The following ZNF561 variants were observed in gnomAD, a reference collection of about 807,000 sequenced individuals.
The protein encoded by ZNF561 is zinc finger protein 561.
Under a neutral mutation model 16.7 loss-of-function variants are expected in ZNF561, and 16 were observed. The observed-to-expected ratio is 0.96, with a 90% CI of 0.65 to 1.45. ZNF561 has a LOEUF of 1.45. ZNF561 is among the 40% of genes most tolerant of loss of function. The pLI is 0.00. For missense variants in ZNF561, 580 were observed against 578.0 expected (o/e 1.00, Z -0.04); for synonymous variants, 190 against 192.1 (o/e 0.99, Z 0.09).
rs1490133309 is a variant in ZNF561 at position 9,617,184 on chromosome 19, A to G, written c.115-13T>C. 3.7e-6 allele frequency: 6 copies of G among 1,610,416 alleles called. No homozygotes were observed. Among genetic ancestry groups the G allele is most frequent in the Non-Finnish European group, 5.1e-6 (6 of 1,177,786 alleles). ...ACGTCACTGAATCCTATGTCATCATACACATGCTGGTTTGAGCCAATGAAC... is the reference window on the plus strand; with the variant it reads ...ACGTCACTGAATCCTATGTCATCATGCACATGCTGGTTTGAGCCAATGAAC... On this transcript the variant is annotated splice_polypyrimidine_tract_variant and intron_variant, in intron 3 of 5. Transcript: ENST00000302851.
At chr19:9,619,881 C>CTATCTATA (rs752207071) in intron 1 of ZNF561, among the ~76,000 whole-genome samples, 12 of 141,734 alleles carry the variant, frequency 8.5e-5, no homozygotes, top group Admixed American at 3.7e-4. Flanking sequence ...CTATATCTAT[C>CTATCTATA]TATCTATATA....
Position 9,610,512 on chromosome 19 carries a change from A to G in ZNF561, c.1149T>C (p.His383=). Residue 383 remains histidine (H), a synonymous_variant, in exon 6 of 6, where the codon CAT becomes CAC. Transcript: ENST00000302851. ...AFTTSTSLIQ[H]TRIHTGEKPY... is the part of the protein sequence containing the mutation. ...GCTTCTCTCCTGTGTGAATTCTTGT[A>G]TGCTGAATAAGACTTGTGGATGTAG... 1 of 1,614,034 alleles carries G rather than the reference A, an allele frequency of 6.2e-7. No individual in the cohort carries two copies. The highest frequency in any genetic ancestry group is 8.5e-7 in the Non-Finnish European group (1 of 1,179,878).
Position 9,609,360 on chromosome 19 carries a change from C to T in ZNF561, c.*840G>A, listed in dbSNP as rs2074405111. The T allele has an allele frequency of 6.6e-6, 1 of 152,120 alleles. No individual in the cohort carries two copies. The highest frequency in any genetic ancestry group is 2.1e-4 in the South Asian group (1 of 4,830). The allele number at this position is 152,120 out of a possible 1,614,324, so 9.4% of individuals were successfully genotyped here. ...AGCTGCTGGGTCAGGGTCTCCATGA[C>T]CCAGCTGGTCTCAGCAAAAATGCAA... On this transcript the variant is annotated 3_prime_UTR_variant, in exon 6 of 6. Coordinates refer to ENST00000302851, the MANE Select transcript of ZNF561 (RefSeq NM_152289.3).
chr19:9,612,124 C>T (rs1385956557), intron 5 of ZNF561, among the ~76,000 whole-genome samples: 4 of 151,894 alleles, frequency 2.6e-5, no homozygotes, highest in Admixed American at 6.6e-5. Flanking sequence ...GACAGGGTTT[C>T]ACCATGTTGG....
Position 9,610,493 on chromosome 19 carries a change from C to T in ZNF561, c.1168G>A (p.Glu390Lys), listed in dbSNP as rs1307147610. The T allele has an allele frequency of 6.2e-7, 1 of 1,613,782 alleles. No homozygotes were observed. Among genetic ancestry groups the T allele is most frequent in the Admixed American group, 1.7e-5 (1 of 60,008 alleles). Residue 390 changes from glutamate (E) to lysine (K), a missense_variant, in exon 6 of 6, where the codon GAG becomes AAG. Transcript: ENST00000302851. ...CATTCAACACATTCATAAGGCTTCT[C>T]TCCTGTGTGAATTCTTGTATGCTGA... ...LIQHTRIHTG[E>K]KPYECVECGK...
Position 9,609,239 on chromosome 19 carries a change from G to A in ZNF561, c.*961C>T, listed in dbSNP as rs2074403126. ...ACAGGCTTACTGTCAATAAATATGTGGGTCAAACTCTGTTCAAGGCTCTCA... is the reference window on the plus strand; with the variant it reads ...ACAGGCTTACTGTCAATAAATATGTAGGTCAAACTCTGTTCAAGGCTCTCA... On this transcript the variant is annotated 3_prime_UTR_variant, in exon 6 of 6. Coordinates refer to ENST00000302851, the MANE Select transcript of ZNF561 (RefSeq NM_152289.3). 6.6e-6 allele frequency: 1 copy of A among 152,122 alleles called. No homozygotes were observed. The highest frequency in any genetic ancestry group is 2.4e-5 in the African/African-American group (1 of 41,434). The allele number at this position is 152,122 out of a possible 1,614,324, so 9.4% of individuals were successfully genotyped here. A position where few individuals can be genotyped will look rare whatever the true frequency, so the allele number is the denominator to read the frequency against.
Position 9,610,893 on chromosome 19 carries a change from C to G in ZNF561, c.768G>C (p.Lys256Asn). 6.2e-7 allele frequency: 1 copy of G among 1,614,126 alleles called. No individual in the cohort carries two copies. Among genetic ancestry groups the G allele is most frequent in the Non-Finnish European group, 8.5e-7 (1 of 1,180,002 alleles). Residue 256 changes from lysine (K) to asparagine (N), a missense_variant, in exon 6 of 6, where the codon AAG becomes AAC. Physicochemically the swap from Lys to Asn is moderately conservative, Grantham distance 94. Transcript: ENST00000302851. ...VHTGKKSKKT[K>N]KCGKSFTNFS... ...AATTAGTGAAGGATTTCCCACATTT[C>G]TTAGTCTTTTTGGATTTCTTTCCTG...
intron 5 of ZNF561, 40 bp downstream of exon 5, chr19:9,613,981 C>T (rs1244846291): frequency 6.2e-7 from 1 of 1,605,442 alleles, no homozygotes; most frequent in South Asian, 1.1e-5. Context: ...TCTATCTTTT[C>T]TAAGAGAGGA....
intron 2 of ZNF561, 149 bp downstream of exon 2, chr19:9,619,283 A>T (rs2074615474): frequency 2.0e-6 from 1 of 506,260 alleles, no homozygotes. Flanking sequence ...ATAAATAAAT[A>T]ATAAAACAGC....
At position 9,610,677 on chromosome 19, in the gene ZNF561, T is replaced by C. The variant is rs766206230; in HGVS notation, c.984A>G (p.Val328=). The C allele has an allele frequency of 1.2e-6, 2 of 1,614,210 alleles. No individual in the cohort carries two copies. Among genetic ancestry groups the C allele is most frequent in the East Asian group, 2.2e-5 (1 of 44,882 alleles). The change falls in exon 6 of 6, where the codon GTA becomes GTG. Residue 328 remains valine, a synonymous_variant. Coordinates refer to ENST00000302851, the MANE Select transcript of ZNF561 (RefSeq NM_152289.3). ...AGGGTTTTATTCCAGTGTGAGTTCT[T>C]ACATGTTCAGTAAGTTGAGTTGATC... is the stretch of plus-strand genomic sequence containing the variant. ...FTRSTQLTEH[V]RTHTGIKPYE...
At chr19:9,618,875 G>A (rs2074607605) in intron 2 of ZNF561, among the ~76,000 whole-genome samples, 1 of 152,156 alleles carries the variant, frequency 6.6e-6, no homozygotes, top group African/African-American at 2.4e-5. Flanking sequence ...CCAATACTTT[G>A]GGAGGCCAAG....
chr19:9,620,152 T>C (rs1357592717), intron 1 of ZNF561, among the ~76,000 whole-genome samples: 1 of 152,140 alleles, frequency 6.6e-6, no homozygotes, highest in African/African-American at 2.4e-5. Context: ...TGCAGTGGCA[T>C]GATCTCAACT....
At chr19:9,619,695 A>G in intron 1 of ZNF561, 113 bp from the exon 2 acceptor site, 1 of 390,932 alleles carries the variant, frequency 2.6e-6, no homozygotes, top group Non-Finnish European at 4.6e-6. Flanking sequence ...TTGCCCACTC[A>G]GTACCGTCAC....
In ZNF561 at chr19:9,610,035, T is replaced by A. The variant is rs2074416649; in HGVS notation, c.*165A>T. 1 of 634,228 alleles carries A rather than the reference T, an allele frequency of 1.6e-6. No homozygotes were observed. Among genetic ancestry groups the A allele is most frequent in the African/African-American group, 1.8e-5 (1 of 54,766 alleles). 39.3% of individuals were successfully genotyped at this position (634,228 alleles called of 1,614,324 possible). On this transcript the variant is annotated 3_prime_UTR_variant, in exon 6 of 6. Transcript: ENST00000302851. The stretch of plus-strand genomic sequence containing the variant: ...GACCCTTCTTCACAGATGCCCAGAC[T>A]CAGGCAACCATGATGTTGTATTCAG...
rs1488212493 is a variant in ZNF561, at chr19:9,607,717, A to G, written c.*2483T>C. 1.3e-5 allele frequency: 2 copies of G among 152,208 alleles called. No homozygotes were observed. Among genetic ancestry groups the G allele is most frequent in the South Asian group, 2.1e-4 (1 of 4,830 alleles). The allele number at this position is 152,208 out of a possible 1,614,324, so 9.4% of individuals were successfully genotyped here. A position where few individuals can be genotyped will look rare whatever the true frequency, so the allele number is the denominator to read the frequency against. On this transcript the variant is annotated 3_prime_UTR_variant, in exon 6 of 6. Transcript: ENST00000302851. Reference sequence around the variant, plus strand: ...TATATATAGGTATAACCTAACGACTAAAGTGGAAAAGTAAGAGTCATTATT... The same window carrying G: ...TATATATAGGTATAACCTAACGACTGAAGTGGAAAAGTAAGAGTCATTATT...
In ZNF561 at chr19:9,607,626, T is replaced by C. The variant is rs1157893857; in HGVS notation, c.*2574A>G. On this transcript the variant is annotated 3_prime_UTR_variant, in exon 6 of 6. Transcript: ENST00000302851. ...TCAGCAGAACTGCAGACAATTATGC[T>C]GGTATTACTGCTATTCATTGGTGGT... 6.6e-6 allele frequency: 1 copy of C among 152,218 alleles called. No individual in the cohort carries two copies. The highest frequency in any genetic ancestry group is 1.5e-5 in the Non-Finnish European group (1 of 68,052). 9.4% of individuals were successfully genotyped at this position (152,218 alleles called of 1,614,324 possible). A position where few individuals can be genotyped will look rare whatever the true frequency, so the allele number is the denominator to read the frequency against.
Position 9,617,188 on chromosome 19 carries a change from A to C in ZNF561, c.115-17T>G. 1 of 1,608,946 alleles carries C rather than the reference A, an allele frequency of 6.2e-7. No homozygotes were observed. Among genetic ancestry groups the C allele is most frequent in the Non-Finnish European group, 8.5e-7 (1 of 1,176,924 alleles). Reference sequence around the variant, plus strand: ...CACTGAATCCTATGTCATCATACACATGCTGGTTTGAGCCAATGAACACTT... The same window carrying C: ...CACTGAATCCTATGTCATCATACACCTGCTGGTTTGAGCCAATGAACACTT... On this transcript the variant is annotated splice_polypyrimidine_tract_variant and intron_variant, in intron 3 of 5. Coordinates refer to ENST00000302851, the MANE Select transcript of ZNF561 (RefSeq NM_152289.3).
rs1305177864 is a variant in ZNF561, at chr19:9,617,265, C to A, written c.115-94G>T. On this transcript the variant is annotated intron_variant, in intron 3 of 5. Transcript: ENST00000302851. ...AAGGGGAACCTTATACTCACTTACACGTGGTTGTCAGGTCTCCCATGATCT... is the reference window on the plus strand; with the variant it reads ...AAGGGGAACCTTATACTCACTTACAAGTGGTTGTCAGGTCTCCCATGATCT... 5 of 1,466,386 alleles carry A rather than the reference C, an allele frequency of 3.4e-6. No individual in the cohort carries two copies. In the African/African-American group the frequency reaches 5.6e-5, roughly 16 times the overall value. 90.8% of individuals were successfully genotyped at this position (1,466,386 alleles called of 1,614,324 possible). A position where few individuals can be genotyped will look rare whatever the true frequency, so the allele number is the denominator to read the frequency against.
chr19:9,610,888 C>A lies in ZNF561; in HGVS notation c.773G>T (p.Cys258Phe). 1.2e-6 allele frequency: 2 copies of A among 1,614,156 alleles called. No homozygotes were observed. Among genetic ancestry groups the A allele is most frequent in the Non-Finnish European group, 1.7e-6 (2 of 1,180,020 alleles). Reference sequence around the variant, plus strand: ...AGAAAAATTAGTGAAGGATTTCCCACATTTCTTAGTCTTTTTGGATTTCTT... The same window carrying A: ...AGAAAAATTAGTGAAGGATTTCCCAAATTTCTTAGTCTTTTTGGATTTCTT... ...TGKKSKKTKK[C>F]GKSFTNFSQL... Residue 258 changes from cysteine (C) to phenylalanine (F), a missense_variant, in exon 6 of 6, where the codon TGT (cysteine) becomes TTT (phenylalanine). Coordinates refer to ENST00000302851, the MANE Select transcript of ZNF561 (RefSeq NM_152289.3).
Sources: gnomAD v4.1 joint callset for allele counts (sites outside exome capture counted in the v4.1 genomes callset) on GRCh38, gnomAD v4.1.1 for gene constraint, MANE v1.5 for transcripts, NCBI Gene and HGNC (gene_info 2026-07-23, HGNC 2026-07-21) for gene names.